FECH: variants seen among roughly 807,000 people sequenced by gnomAD.
FECH encodes ferrochelatase, mitochondrial.
FECH carries 40 observed loss-of-function variants against 56.9 expected under a neutral mutation model. That is an observed-to-expected ratio of 0.70 (90% CI 0.55 to 0.92). The LOEUF is 0.92. Among genes scored for constraint, FECH ranks in the 40% least tolerant of loss-of-function variants. FECH has a pLI of 0.00. For synonymous variants in FECH, 175 were observed against 198.6 expected (o/e 0.88, Z 1.00); for missense variants, 431 against 529.1 (o/e 0.81, Z 1.82).
In FECH at chr18:57,586,202, G is replaced by A. The variant is rs542874983; in HGVS notation, c.67+352C>T. On this transcript the variant is annotated intron_variant, in intron 1 of 10. Transcript: ENST00000262093. ...GATGCCTTCCTTACTATCCTCTATG[G>A]CAGGCCCATAACATACCTTCCCTCG... is the stretch of plus-strand genomic sequence containing the variant. Among the ~76,000 whole-genome samples, 5 of 152,296 alleles carry A rather than the reference G, an allele frequency of 3.3e-5. No homozygotes were observed. The South Asian group carries it at 8.3e-4, about 25-fold the overall frequency.
In FECH at chr18:57,586,593, C is replaced by T. The variant is rs1408060110; in HGVS notation, c.28G>A (p.Ala10Thr). The change falls in exon 1 of 11, where the codon GCG becomes ACG. Residue 10 changes from alanine to threonine, a missense_variant. Coordinates refer to ENST00000262093, the MANE Select transcript of FECH (RefSeq NM_000140.5). ...AGGACGCCCGCGGCGCGCAGGGCCG[C>T]AGCCATGTTTGCGCCGAGTGAACGC... MRSLGANMA[A>T]ALRAAGVLLR... is the part of the protein sequence containing the mutation. 2.6e-6 allele frequency: 4 copies of T among 1,524,796 alleles called. No homozygotes were observed. In the Admixed American group the frequency reaches 5.9e-5, roughly 23 times the overall value. The allele number at this position is 1,524,796 out of a possible 1,614,324, so 94.5% of individuals were successfully genotyped here.
At chr18:57,585,784 T>C (rs1436506020) in intron 1 of FECH, 1 of 152,188 alleles carries the variant, frequency 6.6e-6, no homozygotes, top group Non-Finnish European at 1.5e-5. Flanking sequence ...AGGATGCCTG[T>C]GTACTACTGT....
intron 9 of FECH, among the ~76,000 whole-genome samples, chr18:57,552,651 C>T (rs1319885658): frequency 4.6e-5 from 7 of 152,218 alleles, no homozygotes; most frequent in Admixed American, 3.3e-4. Flanking sequence ...CCACCTGCCT[C>T]GGATTCCCAA....
At chr18:57,560,031 T>G (rs985057180) in intron 6 of FECH, among the ~76,000 whole-genome samples, 4 of 152,222 alleles carry the variant, frequency 2.6e-5, no homozygotes, top group African/African-American at 9.6e-5. Flanking sequence ...AATCATTCTC[T>G]GTCATTTAGC....
At position 57,550,713 on chromosome 18, in the gene FECH, C is replaced by A; in HGVS notation, c.1271G>T (p.Ter424LeuextTer26). Reference protein sequence around the residue: ...TKSFFTSQQL* With the variant: ...TKSFFTSQQLL Reference sequence around the variant, plus strand: ...CGCCACGGGGTCCACCGGCGGGGGTCACAGCTGCTGGCTGGTGAAGAAGGA... The same window carrying A: ...CGCCACGGGGTCCACCGGCGGGGGTAACAGCTGCTGGCTGGTGAAGAAGGA... The change falls in exon 11 of 11, where the codon TGA becomes TTA. Residue 424 changes from the stop codon to leucine (L), a stop_lost. Transcript: ENST00000262093. 1 of 1,613,926 alleles carries A rather than the reference C, an allele frequency of 6.2e-7. No individual in the cohort carries two copies. The highest frequency in any genetic ancestry group is 1.1e-5 in the South Asian group (1 of 91,072).
chr18:57,563,577 TCC>T lies in FECH; in HGVS notation c.599-599_599-598del, dbSNP rs1491374643. On this transcript the variant is annotated intron_variant, in intron 5 of 10. Transcript: ENST00000262093. ...CCTGGGCAACAAGAGCGAAACTCCG[TCC>T]CAAAAAAAAAAAAAAAAAAAAAAAA... 2.0e-3 allele frequency among the ~76,000 whole-genome samples: 23 copies of T among 11,314 alleles called. 1 individual carries two copies. Among genetic ancestry groups the T allele is most frequent in the Middle Eastern group, 0.11 (2 of 18 alleles). The allele number at this position is 11,314 out of a possible 152,430, so 7.4% of individuals were successfully genotyped here.
rs1398631537 is a variant in FECH, at chr18:57,550,745, C to T, written c.1239G>A (p.Glu413=). The T allele has an allele frequency of 6.2e-7, 1 of 1,614,148 alleles. No homozygotes were observed. Among genetic ancestry groups the T allele is most frequent in the East Asian group, 2.2e-5 (1 of 44,886 alleles). ...CPLCVNPVCR[E]TKSFFTSQQL ...GCTGGCTGGTGAAGAAGGATTTAGT[C>T]TCCCTGCAGACAGGATTGACACAGA... Residue 413 remains glutamate (E), a synonymous_variant, in exon 11 of 11, where the codon GAG becomes GAA. Transcript: ENST00000262093.
At chr18:57,571,120 C>G (rs1183207482) in intron 4 of FECH, among the ~76,000 whole-genome samples, 2 of 152,224 alleles carry the variant, frequency 1.3e-5, no homozygotes, top group African/African-American at 2.4e-5. Flanking sequence ...GCCTTATACT[C>G]TAGCAATTTA....
intron 1 of FECH, among the ~76,000 whole-genome samples, chr18:57,585,081 T>C (rs964334358): frequency 2.6e-5 from 4 of 152,016 alleles, no homozygotes; most frequent in Middle Eastern, 6.8e-3. Context: ...AAATAATTCA[T>C]ATAGATAGCT....
chr18:57,582,127 A>G (rs1169328580), intron 1 of FECH, among the ~76,000 whole-genome samples: 1 of 152,152 alleles, frequency 6.6e-6, no homozygotes, highest in African/African-American at 2.4e-5. Context: ...AATGGCCCTA[A>G]TTCCTTATGA....
chr18:57,566,047 T>C (rs997882238), intron 5 of FECH, among the ~76,000 whole-genome samples: 1 of 152,272 alleles, frequency 6.6e-6, no homozygotes, highest in Non-Finnish European at 1.5e-5. Context: ...ATTTCCCATG[T>C]TGTATGGGCA....
rs1198373565 is a variant in FECH, at chr18:57,549,188, T to C, written c.*1524A>G. On this transcript the variant is annotated 3_prime_UTR_variant, in exon 11 of 11. Coordinates refer to ENST00000262093, the MANE Select transcript of FECH (RefSeq NM_000140.5). ...ATTTTAAAAATGTGGATGCTACTCATGAGGGCTGTCATCAACGTAGGAAAA... is the reference window on the plus strand; with the variant it reads ...ATTTTAAAAATGTGGATGCTACTCACGAGGGCTGTCATCAACGTAGGAAAA... The C allele has an allele frequency of 1.3e-5, 2 of 152,200 alleles. No individual in the cohort carries two copies. The allele number at this position is 152,200 out of a possible 1,614,324, so 9.4% of individuals were successfully genotyped here. A position where few individuals can be genotyped will look rare whatever the true frequency, so the allele number is the denominator to read the frequency against.
chr18:57,566,276 A>G (rs2051015025), intron 5 of FECH, among the ~76,000 whole-genome samples, 171 bp downstream of exon 5: 2 of 152,210 alleles, frequency 1.3e-5, no homozygotes, highest in African/African-American at 4.8e-5. Context: ...CAAGGGACAG[A>G]TGGACCATGA....
Position 57,580,204 on chromosome 18 carries a change from G to C in FECH, c.68-5C>G. ...CCCTCCAGCTGCTGGATGCCACTGTGACAAAATTAAAGTGCTCGCATGAAA... is the reference window on the plus strand; with the variant it reads ...CCCTCCAGCTGCTGGATGCCACTGTCACAAAATTAAAGTGCTCGCATGAAA... On this transcript the variant is annotated splice_polypyrimidine_tract_variant and splice_region_variant and intron_variant, in intron 1 of 10. Transcript: ENST00000262093. 6.2e-7 allele frequency: 1 copy of C among 1,614,096 alleles called. No homozygotes were observed. The highest frequency in any genetic ancestry group is 1.3e-5 in the African/African-American group (1 of 75,014).
intron 6 of FECH, among the ~76,000 whole-genome samples, chr18:57,559,905 C>T (rs930021687): frequency 3.3e-5 from 5 of 152,306 alleles, no homozygotes; most frequent in East Asian, 1.9e-4. Context: ...CTGCCTCCCC[C>T]TCCAAATCTC....
chr18:57,578,404 A>C (rs567321469), intron 2 of FECH, among the ~76,000 whole-genome samples: 2 of 152,364 alleles, frequency 1.3e-5, no homozygotes, highest in East Asian at 3.9e-4. Context: ...CTCGTGGCTC[A>C]TGGCTCATGC....
Position 57,566,595 on chromosome 18 carries a change from CAT to C in FECH, c.464-16_464-15del. On this transcript the variant is annotated splice_polypyrimidine_tract_variant and intron_variant, in intron 4 of 10. Coordinates refer to ENST00000262093, the MANE Select transcript of FECH (RefSeq NM_000140.5). ...ATTTGTGAGGGGCTATTAGGAAGCA[CAT>C]GTGGAAAGGAGAAAGTGTTAATCCT... 2 of 1,614,056 alleles carry C rather than the reference CAT, an allele frequency of 1.2e-6. No homozygotes were observed. Among genetic ancestry groups the C allele is most frequent in the Non-Finnish European group, 1.7e-6 (2 of 1,179,956 alleles).
At chr18:57,586,344 G>A (rs1443963945) in intron 1 of FECH, among the ~76,000 whole-genome samples, 1 of 152,218 alleles carries the variant, frequency 6.6e-6, no homozygotes, top group Admixed American at 6.5e-5. Flanking sequence ...GCGCCTCCTG[G>A]ATCCGGGCGC....
At chr18:57,556,494 G>C (rs552203587) in intron 7 of FECH, among the ~76,000 whole-genome samples, 1 of 152,160 alleles carries the variant, frequency 6.6e-6, no homozygotes, top group African/African-American at 2.4e-5. Context: ...GCAGGGCCCC[G>C]CACCCCTGTG....
Sources: allele counts gnomAD v4.1 joint callset (sites outside exome capture counted in the v4.1 genomes callset), GRCh38; gene constraint gnomAD v4.1.1; transcripts MANE v1.5; gene names NCBI Gene and HGNC (gene_info 2026-07-23, HGNC 2026-07-21).